Variants in SLC35F1 observed in about 807,000 individuals in gnomAD.
SLC35F1 encodes the protein solute carrier family 35 member F1, also known as chromosome 6 open reading frame 169.
Under a neutral mutation model 48.7 loss-of-function variants are expected in SLC35F1, and 14 were observed. The ratio of observed to expected loss-of-function variants is 0.29; its 90% CI spans 0.19 to 0.45. SLC35F1 has a LOEUF of 0.45. Among genes scored for constraint, SLC35F1 ranks in the 20% least tolerant of loss-of-function variants. The pLI is 1.00. For synonymous variants in SLC35F1, 190 were observed against 202.2 expected (o/e 0.94, Z 0.51); for missense variants, 404 against 500.0 (o/e 0.81, Z 1.83).
At chr6:118,118,283 C>T (rs1218577939) in intron 1 of SLC35F1, among the ~76,000 whole-genome samples, 1 of 152,116 alleles carries the variant, frequency 6.6e-6, no homozygotes, top group Non-Finnish European at 1.5e-5. Context: ...ACACTTAACA[C>T]TGATAAATTT....
chr6:118,238,055 G>A (rs1045170999), intron 3 of SLC35F1, among the ~76,000 whole-genome samples: 1 of 151,910 alleles, frequency 6.6e-6, no homozygotes, highest in Non-Finnish European at 1.5e-5. Flanking sequence ...CTTAGAAATG[G>A]TATAAGAATA....
At chr6:118,152,542 G>A (rs989689744) in intron 1 of SLC35F1, among the ~76,000 whole-genome samples, 2 of 152,184 alleles carry the variant, frequency 1.3e-5, no homozygotes, top group African/African-American at 4.8e-5. Flanking sequence ...GAATCCAGAA[G>A]CCTCACTCAC....
intron 3 of SLC35F1, among the ~76,000 whole-genome samples, chr6:118,252,359 A>T (rs1775585159): frequency 6.6e-6 from 1 of 152,084 alleles, no homozygotes; most frequent in African/African-American, 2.4e-5. Context: ...TTTTCTGAGC[A>T]TTCATAGAGG....
At chr6:118,143,331 T>C (rs1331908768) in intron 1 of SLC35F1, among the ~76,000 whole-genome samples, 1 of 152,182 alleles carries the variant, frequency 6.6e-6, no homozygotes, top group African/African-American at 2.4e-5. Flanking sequence ...GCCAAAGTCA[T>C]TTAGCAATGT....
intron 7 of SLC35F1, among the ~76,000 whole-genome samples, chr6:118,290,773 G>A (rs1476496328): frequency 6.7e-6 from 1 of 150,318 alleles, no homozygotes; most frequent in Non-Finnish European, 1.5e-5. Context: ...ACCACAGCCA[G>A]ATGGGCTATC....
intron 2 of SLC35F1, among the ~76,000 whole-genome samples, chr6:118,204,656 T>C (rs139901644): frequency 6.6e-6 from 1 of 152,164 alleles, no homozygotes; most frequent in South Asian, 2.1e-4. Context: ...CTTTCTCTTT[T>C]GAGCTTTTAT....
intron 1 of SLC35F1, among the ~76,000 whole-genome samples, chr6:117,935,107 C>CAATAAATA (rs550483714): frequency 1.4e-4 from 22 of 152,142 alleles, no homozygotes; most frequent in Admixed American, 1.2e-3. Context: ...AACTCCATCT[C>CAATAAATA]AATAAATAAA....
At chr6:118,135,171 A>C (rs570034683) in intron 1 of SLC35F1, among the ~76,000 whole-genome samples, 2 of 152,174 alleles carry the variant, frequency 1.3e-5, no homozygotes, top group African/African-American at 4.8e-5. Flanking sequence ...TTAGTGTACA[A>C]GTACACTCAG....
intron 1 of SLC35F1, among the ~76,000 whole-genome samples, chr6:118,048,691 G>C (rs1244296034): frequency 1.3e-4 from 19 of 151,942 alleles, no homozygotes; most frequent in South Asian, 4.2e-4. Context: ...GAACTACAAA[G>C]CACTGCTCAA....
chr6:117,911,643 G>A (rs6942237), intron 1 of SLC35F1, among the ~76,000 whole-genome samples: 3,030 of 151,946 alleles, frequency 0.02, 42 homozygotes, highest in Non-Finnish European at 0.032. Flanking sequence ...TCGAGGTCTC[G>A]TTCTGTTTCC....
intron 1 of SLC35F1, among the ~76,000 whole-genome samples, chr6:118,133,755 C>A (rs1260731605): frequency 6.6e-6 from 1 of 152,162 alleles, no homozygotes; most frequent in Non-Finnish European, 1.5e-5. Context: ...ATAGTGGGTT[C>A]TTCAATTTAC....
intron 7 of SLC35F1, among the ~76,000 whole-genome samples, chr6:118,300,349 T>C (rs1012183464): frequency 4.6e-5 from 7 of 152,148 alleles, no homozygotes. Flanking sequence ...ATCTACAAAT[T>C]TTGGTATCCA....
At chr6:117,979,369 C>T (rs1164686066) in intron 1 of SLC35F1, among the ~76,000 whole-genome samples, 1 of 152,142 alleles carries the variant, frequency 6.6e-6, no homozygotes, top group Non-Finnish European at 1.5e-5. Context: ...GTTTCTGGTC[C>T]CTTGAATACT....
intron 3 of SLC35F1, among the ~76,000 whole-genome samples, chr6:118,245,676 C>A (rs1775498567): frequency 6.6e-6 from 1 of 152,166 alleles, no homozygotes; most frequent in Admixed American, 6.5e-5. Context: ...CAGCCGGCAC[C>A]CCTTCTCAGG....
intron 1 of SLC35F1, among the ~76,000 whole-genome samples, chr6:117,986,130 A>G (rs1029744706): frequency 6.6e-6 from 1 of 152,170 alleles, no homozygotes; most frequent in African/African-American, 2.4e-5. Context: ...ATATTGGAAT[A>G]TGGCCTTCTC....
chr6:118,120,900 A>G (rs1278588106), intron 1 of SLC35F1, among the ~76,000 whole-genome samples: 2 of 150,784 alleles, frequency 1.3e-5, no homozygotes, highest in African/African-American at 4.8e-5. Context: ...TTAAATGATT[A>G]TATCTAATTC....
At chr6:118,252,959 A>G (rs1454378776) in intron 3 of SLC35F1, among the ~76,000 whole-genome samples, 1 of 152,170 alleles carries the variant, frequency 6.6e-6, no homozygotes, top group Non-Finnish European at 1.5e-5. Context: ...CTGGGAACAA[A>G]GATGAGTTAT....
intron 1 of SLC35F1, chr6:117,999,578 A>AAG (rs1174465712): frequency 7.6e-6 from 5 of 661,800 alleles, no homozygotes; most frequent in South Asian, 2.6e-5. Context: ...GAAAAAAAAA[A>AAG]AAAAGAAATA....
At chr6:118,072,286 C>T (rs1196763900) in intron 1 of SLC35F1, among the ~76,000 whole-genome samples, 1 of 152,016 alleles carries the variant, frequency 6.6e-6, no homozygotes, top group African/African-American at 2.4e-5. Context: ...GGATTTTGAC[C>T]AGGCACGGTG....
Sources: allele counts gnomAD v4.1 joint callset (sites outside exome capture counted in the v4.1 genomes callset), GRCh38; gene constraint gnomAD v4.1.1; transcripts MANE v1.5; gene names NCBI Gene and HGNC (gene_info 2026-07-23, HGNC 2026-07-21).